RGS6: variants seen among roughly 807,000 people sequenced by gnomAD.
RGS6 encodes the protein regulator of G-protein signaling 6.
A neutral mutation model predicts 78.5 loss-of-function variants in RGS6; 30 were observed. The observed-to-expected ratio is 0.38, with a 90% CI of 0.29 to 0.52. The LOEUF (loss-of-function observed/expected upper bound fraction) is 0.52. Among genes scored for constraint, RGS6 ranks in the 20% least tolerant of loss-of-function variants. RGS6 has a pLI of 0.85. For missense variants in RGS6, 495 were observed against 609.7 expected, an observed-to-expected ratio of 0.81 and a Z score of 1.98; for synonymous variants, 206 against 206.0, an observed-to-expected ratio of 1.00 and a Z score of 0.00.
chr14:72,500,604 A>G (rs543414548), intron 13 of RGS6, among the ~76,000 whole-genome samples: 16 of 152,362 alleles, frequency 1.1e-4, no homozygotes, highest in Non-Finnish European at 2.4e-4. Context: ...CTATCTTACC[A>G]TCTGGCACCA....
At chr14:72,368,139 A>T (rs2082776070) in intron 3 of RGS6, among the ~76,000 whole-genome samples, 1 of 152,214 alleles carries the variant, frequency 6.6e-6, no homozygotes, top group African/African-American at 2.4e-5. Context: ...GAAGTCCAAA[A>T]GCATGGTGCC....
chr14:72,358,145 T>C (rs746578340), intron 3 of RGS6, among the ~76,000 whole-genome samples: 10 of 152,326 alleles, frequency 6.6e-5, no homozygotes, highest in South Asian at 2.1e-4. Context: ...GGAACCTCCA[T>C]CTTGATTTCA....
intron 2 of RGS6, among the ~76,000 whole-genome samples, chr14:72,268,546 C>G (rs1003022188): frequency 6.6e-6 from 1 of 152,198 alleles, no homozygotes; most frequent in Admixed American, 6.5e-5. Context: ...AAAGAGCCTG[C>G]ATGGATGTGG....
chr14:72,297,176 GT>G (rs1310433014), intron 2 of RGS6, among the ~76,000 whole-genome samples: 1 of 151,970 alleles, frequency 6.6e-6, no homozygotes, highest in East Asian at 1.9e-4. Context: ...TGATTTGTAT[GT>G]TTATAGTTAA....
chr14:72,042,432 A>C (rs1268889637), intron 2 of RGS6, among the ~76,000 whole-genome samples: 4 of 152,104 alleles, frequency 2.6e-5, no homozygotes, highest in African/African-American at 9.7e-5. Context: ...CCCAGCCTCT[A>C]ATACTTTTCT....
intron 2 of RGS6, among the ~76,000 whole-genome samples, chr14:72,238,975 A>G (rs1234922227): frequency 8.5e-5 from 13 of 152,228 alleles, no homozygotes; most frequent in Non-Finnish European, 1.9e-4. Context: ...AGCAACTTCA[A>G]TTCTTGCCTC....
the RGS6 span, among the ~76,000 whole-genome samples, chr14:71,912,951 G>A: frequency 2.0e-5 from 3 of 151,764 alleles, no homozygotes; most frequent in South Asian, 6.3e-4. Flanking sequence ...TCAGCCTCCC[G>A]GGTAGCTGGG....
chr14:71,929,859 T>C (rs2087776014), upstream of RGS6, among the ~76,000 whole-genome samples: 1 of 152,224 alleles, frequency 6.6e-6, no homozygotes, highest in Admixed American at 6.5e-5. Context: ...TCATTAACTA[T>C]TTTACTCCTT....
intron 2 of RGS6, among the ~76,000 whole-genome samples, chr14:72,344,083 TG>T (rs1339633509): frequency 6.6e-6 from 1 of 152,178 alleles, no homozygotes; most frequent in Non-Finnish European, 1.5e-5. Flanking sequence ...TTCTAAAGCT[TG>T]GCTATTCCAG....
chr14:72,519,065 A>T (rs1418587991), intron 15 of RGS6, among the ~76,000 whole-genome samples: 1 of 152,212 alleles, frequency 6.6e-6, no homozygotes, highest in East Asian at 1.9e-4. Flanking sequence ...GTTCTCACCG[A>T]GGTTGAGTGG....
the RGS6 span, among the ~76,000 whole-genome samples, chr14:71,925,530 G>C: frequency 6.6e-6 from 1 of 152,058 alleles, no homozygotes; most frequent in African/African-American, 2.4e-5. Flanking sequence ...GAGTTTTACA[G>C]TTTCTGGTCT....
intron 2 of RGS6, among the ~76,000 whole-genome samples, chr14:72,185,746 C>T (rs906010972): frequency 6.6e-6 from 1 of 152,166 alleles, no homozygotes; most frequent in Non-Finnish European, 1.5e-5. Flanking sequence ...GAGTTCCAAA[C>T]CAGCCTGGGC....
intron 1 of RGS6, 132 bp from the exon 2 acceptor site, chr14:71,964,640 T>G: frequency 1.6e-6 from 1 of 608,508 alleles, no homozygotes. Flanking sequence ...TCCCCTAACT[T>G]TAAAAAATGT....
intron 3 of RGS6, among the ~76,000 whole-genome samples, chr14:72,412,423 C>G (rs1053585524): frequency 2.0e-5 from 3 of 151,994 alleles, no homozygotes; most frequent in African/African-American, 7.2e-5. Context: ...TCCCCTTTGT[C>G]ATTTTTTATT....
intron 2 of RGS6, among the ~76,000 whole-genome samples, chr14:72,224,175 T>C (rs2047541123): frequency 6.6e-6 from 1 of 152,144 alleles, no homozygotes; most frequent in South Asian, 2.1e-4. Flanking sequence ...TCCCAACACG[T>C]TGGGAGGCCA....
At chr14:71,938,783 A>G (rs954436791) in intron 1 of RGS6, among the ~76,000 whole-genome samples, 13 of 152,212 alleles carry the variant, frequency 8.5e-5, no homozygotes, top group South Asian at 2.1e-4. Context: ...TTCAGGTTGC[A>G]TGGTGACTTG....
At chr14:72,597,543 A>G in the RGS6 span, among the ~76,000 whole-genome samples, 1 of 152,182 alleles carries the variant, frequency 6.6e-6, no homozygotes, top group Admixed American at 6.5e-5. Context: ...ATTCAAGCTG[A>G]ATTAATAGAT....
chr14:71,978,308 G>C (rs2094255605), intron 2 of RGS6, among the ~76,000 whole-genome samples: 1 of 122,746 alleles, frequency 8.1e-6, no homozygotes, highest in Non-Finnish European at 1.7e-5. Flanking sequence ...TGTTGAATAG[G>C]AGTGGTGAGA....
chr14:71,868,607 T>C, the RGS6 span, among the ~76,000 whole-genome samples: 1 of 152,242 alleles, frequency 6.6e-6, no homozygotes, highest in African/African-American at 2.4e-5. Flanking sequence ...AAGAAAGTTC[T>C]AGAAAGCCAG....
Sources: allele counts gnomAD v4.1 joint callset (sites outside exome capture counted in the v4.1 genomes callset), GRCh38; gene constraint gnomAD v4.1.1; transcripts MANE v1.5; gene names NCBI Gene and HGNC (gene_info 2026-07-23, HGNC 2026-07-21).